Variants in PHF24 observed in about 807,000 individuals in gnomAD.
PHF24 encodes the protein PHD finger protein 24, also known as Galpha inhibitory interacting protein.
PHF24 carries 25 observed loss-of-function variants against 42.6 expected under a neutral mutation model. That is an observed-to-expected ratio of 0.59 (90% confidence interval 0.43 to 0.82). The LOEUF is 0.82. Among genes scored for constraint, PHF24 ranks in the 40% least tolerant of loss-of-function variants. The pLI is 0.00. For missense variants in PHF24, 470 were observed against 538.1 expected, an observed-to-expected ratio of 0.87 and a Z score of 1.25; for synonymous variants, 185 against 204.8, an observed-to-expected ratio of 0.90 and a Z score of 0.83.
the PHF24 span, among the ~76,000 whole-genome samples, chr9:34,764,521 A>T: frequency 5.5e-4 from 84 of 151,974 alleles, 1 homozygote; most frequent in Non-Finnish European, 1.0e-3. Flanking sequence ...GGTAGTTTGT[A>T]TTTCTGTGGG....
At chr9:34,743,403 A>G in the PHF24 span, among the ~76,000 whole-genome samples, 1 of 152,232 alleles carries the variant, frequency 6.6e-6, no homozygotes, top group Non-Finnish European at 1.5e-5. Flanking sequence ...GTCTTCTTCC[A>G]TTTCAGAGGA....
chr9:34,835,169 G>C, the PHF24 span: 2 of 1,549,206 alleles, frequency 1.3e-6, no homozygotes, highest in South Asian at 2.4e-5. Flanking sequence ...GTTCATTGTG[G>C]ACCATTCAGA....
chr9:34,870,672 A>T, the PHF24 span, among the ~76,000 whole-genome samples: 2 of 151,954 alleles, frequency 1.3e-5, no homozygotes, highest in Non-Finnish European at 2.9e-5. Flanking sequence ...GACTCAAGCA[A>T]TCCTCTCAGC....
At chr9:34,759,629 G>A in the PHF24 span, among the ~76,000 whole-genome samples, 46 of 152,264 alleles carry the variant, frequency 3.0e-4, 1 homozygote, top group East Asian at 8.9e-3. Flanking sequence ...TGCAGCTGCT[G>A]CTGCCCTCTA....
At chr9:34,665,611 ACTC>A in the PHF24 span, 2 of 666,522 alleles carry the variant, frequency 3.0e-6, no homozygotes, top group African/African-American at 2.2e-5. Context: ...GCCTCCACTC[ACTC>A]CTCCTCCGCC....
chr9:34,786,680 C>G, the PHF24 span, among the ~76,000 whole-genome samples: 1 of 152,138 alleles, frequency 6.6e-6, no homozygotes, highest in Non-Finnish European at 1.5e-5. Context: ...ACTTGTTGGT[C>G]ATTTTCCTAA....
chr9:34,900,781 A>C, the PHF24 span, among the ~76,000 whole-genome samples: 1 of 152,164 alleles, frequency 6.6e-6, no homozygotes, highest in East Asian at 1.9e-4. Context: ...AGAGTGGATT[A>C]ATGCCACTAT....
At chr9:34,719,306 TG>T in the PHF24 span, among the ~76,000 whole-genome samples, 4 of 152,200 alleles carry the variant, frequency 2.6e-5, no homozygotes, top group African/African-American at 9.7e-5. Flanking sequence ...TCCAAAGTGT[TG>T]GGATTATAGG....
At chr9:34,949,163 C>A in the PHF24 span, among the ~76,000 whole-genome samples, 1 of 152,070 alleles carries the variant, frequency 6.6e-6, no homozygotes. Flanking sequence ...CACTATCAAC[C>A]CATTTGACCT....
At chr9:34,691,023 T>G in the PHF24 span, 19 of 1,360,166 alleles carry the variant, frequency 1.4e-5, no homozygotes, top group Non-Finnish European at 1.7e-5. Context: ...CCAAGCAATC[T>G]GAGATCTAGA....
the PHF24 span, among the ~76,000 whole-genome samples, chr9:34,780,293 T>TTC: frequency 9.0e-5 from 8 of 89,212 alleles, no homozygotes; most frequent in African/African-American, 2.6e-4. Flanking sequence ...TTTTTTTCTT[T>TTC]TTTTCTTTTT....
At chr9:34,705,572 C>T in the PHF24 span, among the ~76,000 whole-genome samples, 10 of 152,292 alleles carry the variant, frequency 6.6e-5, no homozygotes, top group East Asian at 9.6e-4. Context: ...TAAGCCACTG[C>T]GCCTGGCCTT....
the PHF24 span, among the ~76,000 whole-genome samples, chr9:34,698,562 A>T: frequency 3.3e-5 from 5 of 151,958 alleles, no homozygotes; most frequent in Non-Finnish European, 7.4e-5. Flanking sequence ...CAATCGCGCG[A>T]TCTCGGCTCC....
At chr9:34,848,115 A>C in the PHF24 span, among the ~76,000 whole-genome samples, 1 of 151,972 alleles carries the variant, frequency 6.6e-6, no homozygotes, top group African/African-American at 2.4e-5. Context: ...CTGGCCTCAT[A>C]AAATGAGTTA....
At chr9:34,770,209 A>C in the PHF24 span, among the ~76,000 whole-genome samples, 1 of 152,246 alleles carries the variant, frequency 6.6e-6, no homozygotes. Context: ...CCAATGATCC[A>C]ACAGAAAAAT....
At chr9:34,798,516 G>T in the PHF24 span, among the ~76,000 whole-genome samples, 1 of 152,162 alleles carries the variant, frequency 6.6e-6, no homozygotes, top group Non-Finnish European at 1.5e-5. Context: ...GACTCCAGCT[G>T]CATCCATGTT....
chr9:34,917,339 A>G, the PHF24 span: 3 of 850,260 alleles, frequency 3.5e-6, no homozygotes, highest in Non-Finnish European at 6.2e-6. Flanking sequence ...AGTGTGTGGA[A>G]GAGTTGCCTG....
At chr9:34,727,459 C>T in the PHF24 span, among the ~76,000 whole-genome samples, 12 of 152,238 alleles carry the variant, frequency 7.9e-5, no homozygotes, top group South Asian at 1.0e-3. Context: ...ATTTGGTACC[C>T]GTAATGTTAT....
At chr9:34,874,819 A>T in the PHF24 span, among the ~76,000 whole-genome samples, 13 of 152,014 alleles carry the variant, frequency 8.6e-5, no homozygotes. Context: ...ATTTTTTAAA[A>T]TTTTTGTGGG....
Sources: gnomAD v4.1 joint callset for allele counts (sites outside exome capture counted in the v4.1 genomes callset) on GRCh38, gnomAD v4.1.1 for gene constraint, MANE v1.5 for transcripts, NCBI Gene and HGNC (gene_info 2026-07-23, HGNC 2026-07-21) for gene names.